Variants in PPP2R3A observed in about 807,000 individuals in gnomAD.
The protein encoded by PPP2R3A is serine/threonine-protein phosphatase 2A regulatory subunit B'' subunit alpha.
PPP2R3A carries 80 observed loss-of-function variants against 106.9 expected under a neutral mutation model. The ratio of observed to expected loss-of-function variants is 0.75; its 90% CI spans 0.62 to 0.90. The LOEUF (loss-of-function observed/expected upper bound fraction) is 0.90, where lower values mean the gene tolerates loss of function less well. PPP2R3A is among the 40% of genes least tolerant of loss of function. The pLI, the probability that PPP2R3A is intolerant of heterozygous loss-of-function variation, is 0.00. For synonymous variants in PPP2R3A, 483 were observed against 468.3 expected (o/e 1.03, Z -0.41); for missense variants, 1,386 against 1,350.4 (o/e 1.03, Z -0.41).
At chr3:136,106,590 T>TA (rs1438605433) in intron 13 of PPP2R3A, 2 of 429,388 alleles carry the variant, frequency 4.7e-6, no homozygotes, top group Non-Finnish European at 8.4e-6. Context: ...GTTTTAGTGA[T>TA]ATTGATAAAC....
chr3:136,134,964 AATAG>A (rs890708090), intron 13 of PPP2R3A, among the ~76,000 whole-genome samples: 3 of 152,186 alleles, frequency 2.0e-5, no homozygotes, highest in South Asian at 2.1e-4. Context: ...AGGAAGAAGA[AATAG>A]ATAGCAGATC....
At chr3:136,063,671 C>G (rs554241290) in intron 5 of PPP2R3A, among the ~76,000 whole-genome samples, 1 of 151,952 alleles carries the variant, frequency 6.6e-6, no homozygotes, top group Non-Finnish European at 1.5e-5. Flanking sequence ...AAAAAATGCT[C>G]ATCATCACTG....
chr3:136,032,818 G>A (rs535931764), intron 3 of PPP2R3A, among the ~76,000 whole-genome samples: 169 of 152,292 alleles, frequency 1.1e-3, no homozygotes, highest in African/African-American at 3.7e-3. Context: ...ATAGGCGTGA[G>A]CCACCACACC....
chr3:135,966,562 C>T (rs1937092925), intron 1 of PPP2R3A, among the ~76,000 whole-genome samples: 1 of 152,144 alleles, frequency 6.6e-6, no homozygotes, highest in African/African-American at 2.4e-5. Flanking sequence ...ACCAGCTGGC[C>T]GGGCTTGGAG....
At position 136,145,904 on chromosome 3, in the gene PPP2R3A, T is replaced by TTAAC. The variant is rs1457202505; in HGVS notation, c.*740_*743dup. ...TGACTCATACTTGGAAAAAGCCCTT[T>TTAAC]TAACTTTTATCTTTTATTCATTGAA... is the stretch of plus-strand genomic sequence containing the variant. On this transcript the variant is annotated 3_prime_UTR_variant, in exon 14 of 14. Coordinates refer to ENST00000264977, the MANE Select transcript of PPP2R3A (RefSeq NM_002718.5). 7 of 152,092 alleles carry TTAAC rather than the reference T, an allele frequency of 4.6e-5. No homozygotes were observed. Among genetic ancestry groups the TTAAC allele is most frequent in the African/African-American group, 1.7e-4 (7 of 41,488 alleles). 9.4% of individuals were successfully genotyped at this position (152,092 alleles called of 1,614,324 possible). A position where few individuals can be genotyped will look rare whatever the true frequency, so the allele number is the denominator to read the frequency against.
At chr3:136,125,827 G>C (rs1014783902) in intron 13 of PPP2R3A, among the ~76,000 whole-genome samples, 2 of 152,040 alleles carry the variant, frequency 1.3e-5, no homozygotes, top group African/African-American at 4.8e-5. Flanking sequence ...TGAAAGGTTG[G>C]CTTATTCAAA....
intron 4 of PPP2R3A, among the ~76,000 whole-genome samples, chr3:136,047,794 A>G (rs1168932986): frequency 6.6e-6 from 1 of 152,126 alleles, no homozygotes; most frequent in Non-Finnish European, 1.5e-5. Flanking sequence ...AGTCCCAGCT[A>G]CTTGGGAGGC....
intron 10 of PPP2R3A, 147 bp downstream of exon 10, chr3:136,090,814 C>T (rs1020915671): frequency 1.6e-6 from 1 of 607,070 alleles, no homozygotes; most frequent in African/African-American, 1.8e-5. Flanking sequence ...TCGGAGCTCT[C>T]CGTCTCAGGA....
At position 136,026,770 on chromosome 3, in the gene PPP2R3A, A is replaced by G. The variant is rs1455133147; in HGVS notation, c.1996-62A>G. On this transcript the variant is annotated intron_variant, in intron 2 of 13. Transcript: ENST00000264977. Reference sequence around the variant, plus strand: ...TGTGGTTTCTTATATTGCTGGTGAGAATTTTCAGTAAATGAATACTGTTTA... The same window carrying G: ...TGTGGTTTCTTATATTGCTGGTGAGGATTTTCAGTAAATGAATACTGTTTA... 4 of 1,455,530 alleles carry G rather than the reference A, an allele frequency of 2.7e-6. No individual in the cohort carries two copies. The East Asian group carries it at 6.9e-5, about 25-fold the overall frequency. The allele number at this position is 1,455,530 out of a possible 1,614,324, so 90.2% of individuals were successfully genotyped here. A position where few individuals can be genotyped will look rare whatever the true frequency, so the allele number is the denominator to read the frequency against.
rs957988668 is a variant in PPP2R3A at position 136,146,423 on chromosome 3, C to T, written c.*1257C>T. The T allele has an allele frequency of 3.3e-5, 5 of 152,148 alleles. No individual in the cohort carries two copies. Among genetic ancestry groups the T allele is most frequent in the Non-Finnish European group, 5.9e-5 (4 of 68,038 alleles). 9.4% of individuals were successfully genotyped at this position (152,148 alleles called of 1,614,324 possible). A position where few individuals can be genotyped will look rare whatever the true frequency, so the allele number is the denominator to read the frequency against. Reference sequence around the variant, plus strand: ...TCTGAAAGTGTCAAGAATAGCTTCCCTTTCCACCCTACCTAGGTTCCCTCC... The same window carrying T: ...TCTGAAAGTGTCAAGAATAGCTTCCTTTTCCACCCTACCTAGGTTCCCTCC... On this transcript the variant is annotated 3_prime_UTR_variant, in exon 14 of 14. Coordinates refer to ENST00000264977, the MANE Select transcript of PPP2R3A (RefSeq NM_002718.5).
At chr3:136,111,416 A>G (rs900048615) in intron 13 of PPP2R3A, among the ~76,000 whole-genome samples, 1 of 152,138 alleles carries the variant, frequency 6.6e-6, no homozygotes, top group African/African-American at 2.4e-5. Flanking sequence ...TATTAACTGA[A>G]AAAAATTGAG....
chr3:136,068,569 A>G (rs920614897), intron 5 of PPP2R3A, among the ~76,000 whole-genome samples: 1 of 152,212 alleles, frequency 6.6e-6, no homozygotes, highest in South Asian at 2.1e-4. Context: ...TCTTCCTTAT[A>G]GAAGATTTCC....
At chr3:136,037,846 C>T (rs758504127) in intron 3 of PPP2R3A, among the ~76,000 whole-genome samples, 1 of 152,046 alleles carries the variant, frequency 6.6e-6, no homozygotes, top group Non-Finnish European at 1.5e-5. Context: ...ACTTTGATTA[C>T]CATATATTGA....
At chr3:136,136,099 ACAT>A (rs150408474) in intron 13 of PPP2R3A, among the ~76,000 whole-genome samples, 2,201 of 142,442 alleles carry the variant, frequency 0.015, 79 homozygotes, top group African/African-American at 0.056. Context: ...TATATAAAAA[ACAT>A]CATGGTTAAG....
chr3:136,098,173 AGGT>A (rs1338462688), intron 10 of PPP2R3A, among the ~76,000 whole-genome samples: 3 of 152,236 alleles, frequency 2.0e-5, no homozygotes, highest in Non-Finnish European at 4.4e-5. Context: ...AAAATTAGCC[AGGT>A]GTGGTGGTAC....
chr3:135,978,044 A>G (rs977423070), intron 1 of PPP2R3A, among the ~76,000 whole-genome samples: 7 of 152,168 alleles, frequency 4.6e-5, no homozygotes, highest in African/African-American at 9.7e-5. Context: ...TAATATTTTT[A>G]AAACTGTATG....
At chr3:136,050,113 T>C (rs1238634796) in intron 5 of PPP2R3A, among the ~76,000 whole-genome samples, 2 of 152,220 alleles carry the variant, frequency 1.3e-5, no homozygotes, top group African/African-American at 4.8e-5. Flanking sequence ...ATTAGTAATT[T>C]ATTTTAGTAG....
chr3:136,095,059 C>T (rs1937185081), intron 10 of PPP2R3A, among the ~76,000 whole-genome samples: 1 of 152,146 alleles, frequency 6.6e-6, no homozygotes, highest in African/African-American at 2.4e-5. Context: ...TGCTAGGTGC[C>T]CCTCTCTGGA....
intron 1 of PPP2R3A, among the ~76,000 whole-genome samples, chr3:135,980,376 G>T (rs969181571): frequency 6.0e-5 from 9 of 151,198 alleles, no homozygotes; most frequent in Admixed American, 5.3e-4. Flanking sequence ...TAAGACAGAA[G>T]ACTTGTTTGA....
Sources: allele counts gnomAD v4.1 joint callset (sites outside exome capture counted in the v4.1 genomes callset), GRCh38; gene constraint gnomAD v4.1.1; transcripts MANE v1.5; gene names NCBI Gene and HGNC (gene_info 2026-07-23, HGNC 2026-07-21).